PREPL: variants seen among roughly 807,000 people sequenced by gnomAD.
The protein encoded by PREPL is prolyl endopeptidase like.
A neutral mutation model predicts 70.6 loss-of-function variants in PREPL; 77 were observed. The ratio of observed to expected loss-of-function variants is 1.09; its 90% CI spans 0.91 to 1.32. PREPL has a LOEUF of 1.32. PREPL is among the 40% of genes most tolerant of loss of function. The pLI is 0.00. For synonymous variants in PREPL, 315 were observed against 264.8 expected (o/e 1.19, Z -1.84); for missense variants, 1,002 against 778.2 (o/e 1.29, Z -3.42).
intron 8 of PREPL, among the ~76,000 whole-genome samples, chr2:44,330,214 G>C (rs1673952294): frequency 6.6e-6 from 1 of 152,110 alleles, no homozygotes; most frequent in South Asian, 2.1e-4. Context: ...ATCAGAAAAA[G>C]TTGCTTGTTG....
Position 44,321,648 on chromosome 2 carries a change from C to T in PREPL, c.1827+179G>A, listed in dbSNP as rs1048339102. The T allele has an allele frequency of 9.9e-6, 15 of 1,515,452 alleles. No individual in the cohort carries two copies. The African/African-American group carries it at 2.1e-4, about 21-fold the overall frequency. 93.9% of individuals were successfully genotyped at this position (1,515,452 alleles called of 1,614,324 possible). ...TTTAACAGAGCTCACGTATCAAGTA[C>T]AAGAGAGAGACATTTCTCTTGATTG... is the stretch of plus-strand genomic sequence containing the variant. On this transcript the variant is annotated intron_variant, in intron 13 of 13. Transcript: ENST00000409411.
At chr2:44,347,765 A>G (rs1675986040) in intron 1 of PREPL, among the ~76,000 whole-genome samples, 1 of 152,232 alleles carries the variant, frequency 6.6e-6, no homozygotes, top group African/African-American at 2.4e-5. Context: ...AGGATCGCCA[A>G]CAGCTGGAAA....
intron 7 of PREPL, 150 bp from the exon 8 acceptor site, chr2:44,332,806 C>A: frequency 1.6e-6 from 1 of 606,186 alleles, no homozygotes; most frequent in Non-Finnish European, 2.8e-6. Flanking sequence ...TACTTTATCA[C>A]AACAACATAC....
Position 44,344,573 on chromosome 2 carries a change from C to T in PREPL, c.89G>A (p.Gly30Asp). The change falls in exon 3 of 14, where the codon GGT becomes GAT. Residue 30 changes from glycine to aspartate, a missense_variant. Gly to Asp is a moderately conservative substitution (Grantham distance 94). Transcript: ENST00000409411. ...ACAACCTTCTTGGTAATAAACAAAA[C>T]CACCATGTTTAACCTGACAAAAGAA... ...EIINVEVKHG[G>D]FVYYQEGCCL... 6.2e-7 allele frequency: 1 copy of T among 1,604,038 alleles called. No homozygotes were observed. The highest frequency in any genetic ancestry group is 8.5e-7 in the Non-Finnish European group (1 of 1,175,372).
At chr2:44,360,616 G>T (rs1677627614) in intron 1 of PREPL, 1 of 152,192 alleles carries the variant, frequency 6.6e-6, no homozygotes, top group Admixed American at 6.5e-5. Flanking sequence ...GAGTCAGAGA[G>T]ACCTGGGTTG....
chr2:44,332,592 T>C lies in PREPL; in HGVS notation c.953A>G (p.Gln318Arg). 3 of 1,613,954 alleles carry C rather than the reference T, an allele frequency of 1.9e-6. No individual in the cohort carries two copies. The highest frequency in any genetic ancestry group is 2.5e-6 in the Non-Finnish European group (3 of 1,179,834). Residue 318 changes from glutamine to arginine, a missense_variant, in exon 8 of 14, where the codon CAA (glutamine) becomes CGA (arginine). Transcript: ENST00000409411. ...TGGGGGACGTATTGGAGAGCAAAGT[T>C]GAAAGGGGCAGTTCTTTGGGTCAGA... ...TNSDPKNCPF[Q>R]LCSPIRPPKY...
chr2:44,322,948 C>A, intron 11 of PREPL, 94 bp from the exon 12 acceptor site: 1 of 1,478,720 alleles, frequency 6.8e-7, no homozygotes. Flanking sequence ...CCAATTTTTC[C>A]CTGTAAGTGC....
intron 7 of PREPL, among the ~76,000 whole-genome samples, chr2:44,336,495 T>C (rs942835632): frequency 1.3e-5 from 2 of 152,060 alleles, no homozygotes; most frequent in Admixed American, 1.3e-4. Context: ...TGTGTCCACA[T>C]GGACACAAGG....
Position 44,332,539 on chromosome 2 carries a change from C to A in PREPL, c.1006G>T (p.Gly336Cys), listed in dbSNP as rs568831256. Reference protein sequence around the residue: ...PKYYTYKFAEGKLFEETGHED... With the variant: ...PKYYTYKFAECKLFEETGHED... ...TGCCCAGTTTCCTCAAACAGTTTGC[C>A]TTCTGCAAACTTGTATGTGTAATAT... The change falls in exon 8 of 14, where the codon GGC becomes TGC. Residue 336 changes from glycine (G) to cysteine (C), a missense_variant. Gly to Cys is a radical substitution (Grantham distance 159). Transcript: ENST00000409411. 1 of 1,613,880 alleles carries A rather than the reference C, an allele frequency of 6.2e-7. No homozygotes were observed. Among genetic ancestry groups the A allele is most frequent in the African/African-American group, 1.3e-5 (1 of 75,020 alleles).
At chr2:44,344,845 T>C (rs1000095488) in intron 2 of PREPL, among the ~76,000 whole-genome samples, 1 of 152,196 alleles carries the variant, frequency 6.6e-6, no homozygotes, top group African/African-American at 2.4e-5. Flanking sequence ...TAACAAAATC[T>C]GTCAGTTCTC....
intron 7 of PREPL, among the ~76,000 whole-genome samples, chr2:44,338,086 AAG>A (rs1185992525): frequency 6.6e-6 from 1 of 152,178 alleles, no homozygotes; most frequent in Non-Finnish European, 1.5e-5. Context: ...GATATACAGA[AAG>A]AGAAATATTA....
At chr2:44,346,441 CTT>C (rs1206017352) in intron 1 of PREPL, 51 bp from the exon 2 acceptor site, 1 of 1,575,132 alleles carries the variant, frequency 6.3e-7, no homozygotes, top group South Asian at 1.1e-5. Flanking sequence ...GGAAAAAAAA[CTT>C]TTGCTTTTTA....
intron 8 of PREPL, among the ~76,000 whole-genome samples, chr2:44,332,022 C>T (rs1674157714): frequency 1.3e-5 from 2 of 149,168 alleles, no homozygotes; most frequent in African/African-American, 5.0e-5. Flanking sequence ...TCTAGGCTCA[C>T]TGCATGCTCC....
At chr2:44,330,732 A>G (rs748209258) in intron 8 of PREPL, among the ~76,000 whole-genome samples, 5 of 152,234 alleles carry the variant, frequency 3.3e-5, no homozygotes. Flanking sequence ...TATCTGATAT[A>G]TGATATGCTA....
At chr2:44,358,338 G>A (rs528718188) in intron 1 of PREPL, among the ~76,000 whole-genome samples, 8 of 152,086 alleles carry the variant, frequency 5.3e-5, no homozygotes, top group East Asian at 1.9e-4. Flanking sequence ...TATTTTACCC[G>A]AAGAAAGGAG....
Position 44,321,398 on chromosome 2 carries a change from GCT to G in PREPL, c.1873_1874del (p.Ser625HisfsTer8). ...KFLYEELGLD[S>X]TSVFEDLKKY... The stretch of plus-strand genomic sequence containing the variant: ...TCTTAAGATCCTCGAAAACACTGGT[GCT>G]GTCAAGTCCAAGTTCCTCGTACAGG... On this transcript the variant is annotated frameshift_variant, in exon 14 of 14. Coordinates refer to ENST00000409411, the MANE Select transcript of PREPL (RefSeq NM_001171613.2). LOFTEE classifies it high-confidence loss of function. 2 of 1,612,896 alleles carry G rather than the reference GCT, an allele frequency of 1.2e-6. No homozygotes were observed. Among genetic ancestry groups the G allele is most frequent in the Non-Finnish European group, 1.7e-6 (2 of 1,179,082 alleles).
chr2:44,325,255 T>C (rs563424170), intron 10 of PREPL, among the ~76,000 whole-genome samples: 32 of 152,342 alleles, frequency 2.1e-4, no homozygotes, highest in African/African-American at 7.7e-4. Context: ...CATGGAAAGT[T>C]AGTGATTCAA....
chr2:44,321,170 C>G lies in PREPL; in HGVS notation c.*186G>C. ...ACTTTCCTAGGTTAATGGGCATGTG[C>G]ATCAATGGAGAGAATAGTATAAGCA... On this transcript the variant is annotated 3_prime_UTR_variant, in exon 14 of 14. Transcript: ENST00000409411. The G allele has an allele frequency of 1.7e-6, 1 of 581,736 alleles. No homozygotes were observed. The highest frequency in any genetic ancestry group is 2.9e-5 in the East Asian group (1 of 34,140). 36.0% of individuals were successfully genotyped at this position (581,736 alleles called of 1,614,324 possible). A position where few individuals can be genotyped will look rare whatever the true frequency, so the allele number is the denominator to read the frequency against.
At position 44,323,444 on chromosome 2, in the gene PREPL, G is replaced by A. The variant is rs1572842006; in HGVS notation, c.1480-33C>T. 25 of 1,520,394 alleles carry A rather than the reference G, an allele frequency of 1.6e-5. No homozygotes were observed. In the East Asian group the frequency reaches 5.3e-4, roughly 32 times the overall value. 94.2% of individuals were successfully genotyped at this position (1,520,394 alleles called of 1,614,324 possible). On this transcript the variant is annotated intron_variant, in intron 10 of 13. Coordinates refer to ENST00000409411, the MANE Select transcript of PREPL (RefSeq NM_001171613.2). ...AAAGGCAAAGAAACTTATACTTCAA[G>A]TAAGAGGTTGGTAAGTGAGTTTCAG... is the stretch of plus-strand genomic sequence containing the variant.
Sources: gnomAD v4.1 joint callset for allele counts (sites outside exome capture counted in the v4.1 genomes callset) on GRCh38, gnomAD v4.1.1 for gene constraint, MANE v1.5 for transcripts, NCBI Gene and HGNC (gene_info 2026-07-23, HGNC 2026-07-21) for gene names.